Variants in TTC39B observed in about 807,000 individuals in gnomAD.
TTC39B encodes tetratricopeptide repeat protein 39B.
A neutral mutation model predicts 96.6 loss-of-function variants in TTC39B; 92 were observed. The observed-to-expected ratio is 0.95, with a 90% confidence interval of 0.80 to 1.13. TTC39B has a LOEUF of 1.13. Ranked by LOEUF, TTC39B falls within the 50% of genes most tolerant of loss-of-function variation. TTC39B has a pLI of 0.00. For missense variants in TTC39B, 955 were observed against 809.3 expected (o/e 1.18, Z -2.18); for synonymous variants, 367 against 299.4 (o/e 1.23, Z -2.33).
intron 1 of TTC39B, among the ~76,000 whole-genome samples, chr9:15,288,268 G>C (rs189546360): frequency 6.6e-6 from 1 of 152,142 alleles, no homozygotes; most frequent in African/African-American, 2.4e-5. Context: ...CTGGAAACCC[G>C]CAGCCCTAAA....
Position 15,214,251 on chromosome 9 carries a change from T to C in TTC39B, c.372-2A>G. 1.9e-6 allele frequency: 3 copies of C among 1,610,628 alleles called. No homozygotes were observed. Among genetic ancestry groups the C allele is most frequent in the Non-Finnish European group, 2.5e-6 (3 of 1,177,312 alleles). On this transcript the variant is annotated splice_acceptor_variant, in intron 3 of 19. Transcript: ENST00000512701. LOFTEE classifies it high-confidence loss of function. The stretch of plus-strand genomic sequence containing the variant: ...AGATCCACCTTGGTTGATGATGAAC[T>C]AAAGATCAAGAAAAAAGCACAGAGA...
intron 5 of TTC39B, among the ~76,000 whole-genome samples, 166 bp downstream of exon 5, chr9:15,211,100 T>C (rs185724869): frequency 6.8e-6 from 1 of 146,608 alleles, no homozygotes; most frequent in East Asian, 2.0e-4. Flanking sequence ...AAAAGTGGAA[T>C]ATGTAGATGC....
chr9:15,165,480 C>T (rs771534487), exon 20 of TTC39B: 2 of 152,208 alleles, frequency 1.3e-5, no homozygotes, highest in African/African-American at 2.4e-5. Context: ...GTCATACCTT[C>T]AAATTGATTA....
intron 8 of TTC39B, among the ~76,000 whole-genome samples, chr9:15,198,455 C>G (rs1223421832): frequency 1.4e-5 from 1 of 73,600 alleles, no homozygotes; most frequent in Admixed American, 1.6e-4. Flanking sequence ...AGGTCTCGGT[C>G]GCAAAAATAT....
intron 2 of TTC39B, among the ~76,000 whole-genome samples, chr9:15,238,683 T>A (rs1023357018): frequency 5.9e-5 from 9 of 152,140 alleles, no homozygotes; most frequent in African/African-American, 2.2e-4. Context: ...GAAGAATCAG[T>A]ATCATTAAAA....
At chr9:15,165,212 T>C (rs2118260311) in exon 20 of TTC39B, 1 of 152,332 alleles carries the variant, frequency 6.6e-6, no homozygotes. Flanking sequence ...CCGGGTGTGA[T>C]GGCACATGCC....
chr9:15,169,631 C>T (rs1817591253), exon 20 of TTC39B: 1 of 152,110 alleles, frequency 6.6e-6, no homozygotes, highest in Non-Finnish European at 1.5e-5. Context: ...GTTGGTGCCA[C>T]TACAATATCT....
chr9:15,206,115 A>T (rs1377788864), intron 6 of TTC39B, among the ~76,000 whole-genome samples: 4 of 152,196 alleles, frequency 2.6e-5, no homozygotes, highest in Non-Finnish European at 5.9e-5. Context: ...CAGAAAAGGC[A>T]TGAGAGTTTG....
intron 1 of TTC39B, among the ~76,000 whole-genome samples, chr9:15,286,606 G>C (rs1418982647): frequency 1.3e-5 from 2 of 152,192 alleles, no homozygotes; most frequent in Admixed American, 1.3e-4. Context: ...GATAGTGTAA[G>C]ATAGGTAAAC....
At chr9:15,230,821 C>T (rs111527480) in intron 2 of TTC39B, among the ~76,000 whole-genome samples, 40 of 151,870 alleles carry the variant, frequency 2.6e-4, no homozygotes, top group South Asian at 4.2e-4. Context: ...TCCATCTCTA[C>T]TAAAAATACA....
chr9:15,301,237 C>T (rs758418058), intron 1 of TTC39B, among the ~76,000 whole-genome samples: 3 of 152,300 alleles, frequency 2.0e-5, no homozygotes, highest in South Asian at 2.1e-4. Context: ...TTACTGAAAG[C>T]GCTCATTTAC....
intron 18 of TTC39B, among the ~76,000 whole-genome samples, chr9:15,175,376 A>C (rs924383302): frequency 1.3e-5 from 2 of 152,148 alleles, no homozygotes; most frequent in Non-Finnish European, 2.9e-5. Context: ...GCTGTCTCTT[A>C]AGTAAATCAG....
chr9:15,189,918 C>T (rs1460011091), intron 11 of TTC39B, 126 bp from the exon 12 acceptor site: 8 of 669,938 alleles, frequency 1.2e-5, no homozygotes, highest in Non-Finnish European at 2.1e-5. Context: ...ATTATTTCAT[C>T]ATTTTTATAT....
At chr9:15,223,715 T>C (rs2131396272) in intron 3 of TTC39B, among the ~76,000 whole-genome samples, 1 of 152,276 alleles carries the variant, frequency 6.6e-6, no homozygotes, top group African/African-American at 2.4e-5. Flanking sequence ...GTCTGTTGTT[T>C]AGTTTTTAAA....
intron 1 of TTC39B, among the ~76,000 whole-genome samples, chr9:15,270,492 A>T (rs1251819335): frequency 2.0e-5 from 3 of 152,064 alleles, no homozygotes; most frequent in Non-Finnish European, 4.4e-5. Context: ...CAGCATGGAC[A>T]CTAAAATACT....
intron 3 of TTC39B, among the ~76,000 whole-genome samples, 200 bp from the exon 4 acceptor site, chr9:15,214,449 C>G (rs1820399597): frequency 6.6e-6 from 1 of 151,924 alleles, no homozygotes; most frequent in South Asian, 2.1e-4. Flanking sequence ...AAACCATGCA[C>G]TGTTGAGACT....
At chr9:15,191,621 T>C (rs1416066927) in intron 9 of TTC39B, among the ~76,000 whole-genome samples, 1 of 152,188 alleles carries the variant, frequency 6.6e-6, no homozygotes, top group Admixed American at 6.5e-5. Flanking sequence ...CTGTGTGATG[T>C]GTAGACACCA....
chr9:15,242,557 T>C (rs1283118239), intron 2 of TTC39B, among the ~76,000 whole-genome samples: 1 of 152,038 alleles, frequency 6.6e-6, no homozygotes, highest in Non-Finnish European at 1.5e-5. Context: ...CACTCCAACC[T>C]GGGTGACAGA....
At chr9:15,264,431 A>C (rs972185195) in intron 2 of TTC39B, among the ~76,000 whole-genome samples, 1 of 152,138 alleles carries the variant, frequency 6.6e-6, no homozygotes, top group African/African-American at 2.4e-5. Flanking sequence ...AGGCAGGTGG[A>C]TCACCTGAGG....
Sources: allele counts gnomAD v4.1 joint callset (sites outside exome capture counted in the v4.1 genomes callset), GRCh38; gene constraint gnomAD v4.1.1; transcripts MANE v1.5; gene names NCBI Gene and HGNC (gene_info 2026-07-23, HGNC 2026-07-21).